RB1CC1: variants seen among roughly 807,000 people sequenced by gnomAD.
RB1CC1 encodes RB1 inducible coiled-coil 1, also known as RB1-inducible coiled-coil protein 1.
In RB1CC1, 46 loss-of-function variants were observed where a neutral mutation model predicts 177.5. The observed-to-expected ratio is 0.26, with a 90% CI of 0.20 to 0.33. The LOEUF is 0.33. RB1CC1 is among the 10% of genes least tolerant of loss of function. The pLI is 1.00. For missense variants in RB1CC1, 1,703 were observed against 1,816.3 expected (o/e 0.94, Z 1.13); for synonymous variants, 666 against 613.6 (o/e 1.09, Z -1.26).
At chr8:52,662,623 C>A (rs1175143332) in intron 8 of RB1CC1, among the ~76,000 whole-genome samples, 1 of 151,984 alleles carries the variant, frequency 6.6e-6, no homozygotes, top group Non-Finnish European at 1.5e-5. Context: ...CTTCTAGGAA[C>A]TTAACTTTAT....
At chr8:52,642,219 T>A in intron 18 of RB1CC1, 132 bp downstream of exon 18, 1 of 1,248,296 alleles carries the variant, frequency 8.0e-7, no homozygotes, top group Middle Eastern at 2.0e-4. Flanking sequence ...GTTTAAAGAA[T>A]TAAAATAGCA....
chr8:52,650,359 T>C (rs547390380), intron 15 of RB1CC1, among the ~76,000 whole-genome samples: 1 of 152,182 alleles, frequency 6.6e-6, no homozygotes, highest in Admixed American at 6.5e-5. Flanking sequence ...ATGTGGGCAA[T>C]GTGAGATTCG....
intron 1 of RB1CC1, among the ~76,000 whole-genome samples, chr8:52,692,417 G>A (rs955728391): frequency 4.6e-5 from 7 of 152,082 alleles, no homozygotes; most frequent in African/African-American, 1.7e-4. Context: ...TAGAGATAAT[G>A]ATACTGTTGG....
Position 52,622,553 on chromosome 8 carries a change from TA to T in RB1CC1, c.*1228del, listed in dbSNP as rs1386254416. ...TTTTGTACTATTAGATATACATATT[TA>T]AAAAAATATTTAACTTATTTTTATG... On this transcript the variant is annotated 3_prime_UTR_variant, in exon 24 of 24. Transcript: ENST00000025008. 6 of 151,984 alleles carry T rather than the reference TA, an allele frequency of 3.9e-5. No homozygotes were observed. The highest frequency in any genetic ancestry group is 6.6e-5 in the Admixed American group (1 of 15,202). The allele number at this position is 151,984 out of a possible 1,614,324, so 9.4% of individuals were successfully genotyped here.
intron 1 of RB1CC1, among the ~76,000 whole-genome samples, chr8:52,689,620 C>T (rs373080829): frequency 7.2e-5 from 11 of 152,212 alleles, no homozygotes; most frequent in African/African-American, 2.6e-4. Context: ...ATATAATATG[C>T]TCTTCCTTTC....
chr8:52,642,573 G>A lies in RB1CC1; in HGVS notation c.4115C>T (p.Ser1372Phe), dbSNP rs889627101. 3.7e-6 allele frequency: 6 copies of A among 1,613,782 alleles called. No homozygotes were observed. Among genetic ancestry groups the A allele is most frequent in the Non-Finnish European group, 3.4e-6 (4 of 1,179,942 alleles). ...CTCAAGCAAACGAGCTCGATCTTCAGAAAGTGACTCTATCAAATCTGAAGG... is the reference window on the plus strand; with the variant it reads ...CTCAAGCAAACGAGCTCGATCTTCAAAAAGTGACTCTATCAAATCTGAAGG... ...ERDKDLIESLSEDRARLLEEK... is the reference protein window; with the variant it reads ...ERDKDLIESLFEDRARLLEEK... The change falls in exon 18 of 24, where the codon TCT becomes TTT. Residue 1372 changes from serine (S) to phenylalanine (F), a missense_variant. By Grantham distance (155) the Ser-to-Phe change is radical. Transcript: ENST00000025008.
chr8:52,692,831 GAA>G (rs578095130), intron 1 of RB1CC1, among the ~76,000 whole-genome samples: 1,770 of 152,260 alleles, frequency 0.012, 34 homozygotes, highest in South Asian at 0.061. Context: ...TATGAAGTAA[GAA>G]GAGTGGAATA....
chr8:52,675,017 T>A (rs926630374), intron 6 of RB1CC1, among the ~76,000 whole-genome samples: 1 of 152,178 alleles, frequency 6.6e-6, no homozygotes, highest in South Asian at 2.1e-4. Flanking sequence ...AACAGGTTTA[T>A]GTTGTCAAAA....
chr8:52,659,155 T>C (rs1386412083), intron 12 of RB1CC1, among the ~76,000 whole-genome samples, 179 bp from the exon 13 acceptor site: 1 of 152,158 alleles, frequency 6.6e-6, no homozygotes. Context: ...TTCCTGAGCC[T>C]TTAGTAAACT....
At chr8:52,677,535 T>A (rs1853240435) in intron 5 of RB1CC1, among the ~76,000 whole-genome samples, 1 of 152,132 alleles carries the variant, frequency 6.6e-6, no homozygotes, top group Non-Finnish European at 1.5e-5. Context: ...ATGAAGAATG[T>A]AATCAAATAG....
intron 21 of RB1CC1, 29 bp downstream of exon 21, chr8:52,630,441 A>G: frequency 1.9e-6 from 3 of 1,543,588 alleles, no homozygotes; most frequent in Non-Finnish European, 2.6e-6. Context: ...TTTTTCACAG[A>G]AAAATACTCA....
chr8:52,696,543 A>G (rs1360432660), intron 1 of RB1CC1, among the ~76,000 whole-genome samples: 1 of 152,212 alleles, frequency 6.6e-6, no homozygotes, highest in Non-Finnish European at 1.5e-5. Flanking sequence ...CAGTCTGACC[A>G]TCAAAAGAAT....
chr8:52,657,841 G>A lies in RB1CC1; in HGVS notation c.1988C>T (p.Thr663Ile), dbSNP rs758951570. Residue 663 changes from threonine to isoleucine, a missense_variant, in exon 15 of 24, where the codon ACA (threonine) becomes ATA (isoleucine). By Grantham distance (89) the Thr-to-Ile change is moderately conservative. Around this residue, in one of 6 missense-constraint regions of RB1CC1, gnomAD observed 1,169 missense variants for 1,184.7 expected, o/e 0.99. Coordinates refer to ENST00000025008, the MANE Select transcript of RB1CC1 (RefSeq NM_014781.5). Reference sequence around the variant, plus strand: ...AGGAGTTCTCGGTGAGGTAGTAGTTGTAATTCCTGCTGTACTTTCCATCCT... The same window carrying A: ...AGGAGTTCTCGGTGAGGTAGTAGTTATAATTCCTGCTGTACTTTCCATCCT... ...SPRMESTAGITTTTSPRTPPP... is the reference protein window; with the variant it reads ...SPRMESTAGIITTTSPRTPPP... 2 of 1,613,968 alleles carry A rather than the reference G, an allele frequency of 1.2e-6. No homozygotes were observed. Among genetic ancestry groups the A allele is most frequent in the South Asian group, 1.1e-5 (1 of 91,058 alleles).
At chr8:52,698,326 T>C (rs2150673779) in intron 1 of RB1CC1, among the ~76,000 whole-genome samples, 1 of 151,950 alleles carries the variant, frequency 6.6e-6, no homozygotes, top group Admixed American at 6.6e-5. Context: ...TATGAGAGAA[T>C]AACTTTTTTT....
chr8:52,696,832 G>C (rs1471235812), intron 1 of RB1CC1, among the ~76,000 whole-genome samples: 1 of 151,968 alleles, frequency 6.6e-6, no homozygotes, highest in Non-Finnish European at 1.5e-5. Flanking sequence ...GCAAAACCCT[G>C]TCTCTACAAA....
chr8:52,662,520 T>A (rs1451664801), intron 8 of RB1CC1, among the ~76,000 whole-genome samples: 1 of 152,096 alleles, frequency 6.6e-6, no homozygotes, highest in African/African-American at 2.4e-5. Flanking sequence ...AGTTTTTTCC[T>A]ATGCTATATA....
At chr8:52,710,271 A>G (rs147022209) in intron 1 of RB1CC1, among the ~76,000 whole-genome samples, 1 of 152,338 alleles carries the variant, frequency 6.6e-6, no homozygotes, top group African/African-American at 2.4e-5. Context: ...CTTTTTCATA[A>G]AAGTTCAGAC....
At chr8:52,663,673 A>G (rs551842609) in intron 8 of RB1CC1, among the ~76,000 whole-genome samples, 1 of 152,286 alleles carries the variant, frequency 6.6e-6, no homozygotes, top group East Asian at 1.9e-4. Context: ...GTACTGACAA[A>G]CTATCTGCAA....
At chr8:52,702,570 G>A (rs1458551246) in intron 1 of RB1CC1, among the ~76,000 whole-genome samples, 3 of 152,136 alleles carry the variant, frequency 2.0e-5, no homozygotes, top group African/African-American at 7.2e-5. Flanking sequence ...ACAAAAGTTA[G>A]CTGGGCATGC....
Sources: allele counts gnomAD v4.1 joint callset (sites outside exome capture counted in the v4.1 genomes callset), GRCh38; gene constraint gnomAD v4.1.1; regional missense constraint gnomAD v4.1.1; transcripts MANE v1.5; gene names NCBI Gene and HGNC (gene_info 2026-07-23, HGNC 2026-07-21).